The following KLHL14 variants were observed in gnomAD, a reference collection of about 807,000 sequenced individuals.
KLHL14 encodes the protein kelch-like protein 14.
In KLHL14, 22 loss-of-function variants were observed where a neutral mutation model predicts 64.3. The observed-to-expected ratio is 0.34, with a 90% confidence interval of 0.24 to 0.49. The LOEUF (loss-of-function observed/expected upper bound fraction) is 0.49. Ranked by LOEUF, KLHL14 falls within the 20% of genes least tolerant of loss-of-function variation. The pLI is 0.99. For missense variants in KLHL14, 661 were observed against 789.0 expected (o/e 0.84, Z 1.94); for synonymous variants, 322 against 333.4 (o/e 0.97, Z 0.37).
intron 7 of KLHL14, among the ~76,000 whole-genome samples, chr18:32,678,516 A>G (rs1213314539): frequency 6.6e-6 from 1 of 152,156 alleles, no homozygotes; most frequent in African/African-American, 2.4e-5. Context: ...TTCCTTTACC[A>G]TTAATATTAT....
intron 2 of KLHL14, among the ~76,000 whole-genome samples, chr18:32,752,955 T>TTGTGTG (rs71177874): frequency 0.052 from 7,422 of 142,296 alleles, 228 homozygotes; most frequent in South Asian, 0.086. Context: ...AGCATCATAT[T>TTGTGTG]TGTGTGTGTG....
At chr18:32,709,959 G>T (rs1180578606) in intron 3 of KLHL14, among the ~76,000 whole-genome samples, 1 of 152,186 alleles carries the variant, frequency 6.6e-6, no homozygotes, top group Non-Finnish European at 1.5e-5. Flanking sequence ...ACTTGGTTCA[G>T]TATTACAGAT....
chr18:32,680,550 C>A lies in KLHL14; in HGVS notation c.1288G>T (p.Gly430Cys), dbSNP rs748172307. 2 of 1,613,544 alleles carry A rather than the reference C, an allele frequency of 1.2e-6. No individual in the cohort carries two copies. Among genetic ancestry groups the A allele is most frequent in the Non-Finnish European group, 1.7e-6 (2 of 1,179,808 alleles). Residue 430 changes from glycine (G) to cysteine (C), a missense_variant, in exon 6 of 9, where the codon GGT becomes TGT. Gly to Cys is a radical substitution (Grantham distance 159). Coordinates refer to ENST00000359358, the MANE Select transcript of KLHL14 (RefSeq NM_020805.3). The surrounding 1 kb of genome is among the most constrained non-coding windows in gnomAD (Gnocchi z 4.8). ...AAGTAGCCAGTTTCATTCCTTCCACCAATTACGTATAAATGCTTGTCCAAC... is the reference window on the plus strand; with the variant it reads ...AAGTAGCCAGTTTCATTCCTTCCACAAATTACGTATAAATGCTTGTCCAAC... The part of the protein sequence containing the change: ...CRLDKHLYVI[G>C]GRNETGYLSS...
intron 3 of KLHL14, among the ~76,000 whole-genome samples, chr18:32,714,019 T>C (rs1012784892): frequency 1.3e-5 from 2 of 151,220 alleles, no homozygotes; most frequent in African/African-American, 4.9e-5. Flanking sequence ...TGCATGAGAG[T>C]GATATACTAA....
Position 32,770,441 on chromosome 18 carries a change from G to T in KLHL14, c.151C>A (p.Leu51Met). 1 of 1,611,936 alleles carries T rather than the reference G, an allele frequency of 6.2e-7. No individual in the cohort carries two copies. The highest frequency in any genetic ancestry group is 8.5e-7 in the Non-Finnish European group (1 of 1,179,384). ...CGGAAGTACTGCGAGCAGGAGGCCA[G>T]CACGGCCTTGTGGCAATGGAACTGC... is the stretch of plus-strand genomic sequence containing the variant. ...GQQFHCHKAV[L>M]ASCSQYFRSL... The change falls in exon 2 of 9, where the codon CTG becomes ATG. Residue 51 changes from leucine to methionine, a missense_variant. By Grantham distance (15) the Leu-to-Met change is conservative. Around this residue, in one of 2 missense-constraint regions of KLHL14, gnomAD observed 331 missense variants for 339.0 expected, o/e 0.98. Transcript: ENST00000359358. This position sits in a 1 kb window ranked among gnomAD's most constrained non-coding sequence, Gnocchi z 6.7.
intron 3 of KLHL14, among the ~76,000 whole-genome samples, chr18:32,708,151 A>G (rs1169760335): frequency 9.2e-5 from 14 of 152,126 alleles, no homozygotes; most frequent in Non-Finnish European, 2.1e-4. Flanking sequence ...GGATGGATGT[A>G]TTTCTGACAA....
rs575675712 is a variant in KLHL14, at chr18:32,755,354, T to C, written c.948-13305A>G. On this transcript the variant is annotated intron_variant, in intron 2 of 8. Coordinates refer to ENST00000359358, the MANE Select transcript of KLHL14 (RefSeq NM_020805.3). ...ATTCTGAAAAGTTTACCATATTCTCTGAAGCTGAATTGTGGATGCTATACT... is the reference window on the plus strand; with the variant it reads ...ATTCTGAAAAGTTTACCATATTCTCCGAAGCTGAATTGTGGATGCTATACT... Among the ~76,000 whole-genome samples, 4 of 152,304 alleles carry C rather than the reference T, an allele frequency of 2.6e-5. No homozygotes were observed. The South Asian group carries it at 8.3e-4, about 32-fold the overall frequency.
intron 4 of KLHL14, among the ~76,000 whole-genome samples, chr18:32,692,243 T>G (rs2049911120): frequency 6.6e-6 from 1 of 152,244 alleles, no homozygotes; most frequent in South Asian, 2.1e-4. Context: ...GATATAATTA[T>G]ATTTATTTCA....
At chr18:32,726,624 G>GATAA (rs1405206727) in intron 3 of KLHL14, among the ~76,000 whole-genome samples, 8 of 150,620 alleles carry the variant, frequency 5.3e-5, no homozygotes, top group Non-Finnish European at 8.9e-5. Flanking sequence ...ACTGTCTCAA[G>GATAA]ATAAATAAAT....
intron 4 of KLHL14, among the ~76,000 whole-genome samples, chr18:32,693,409 C>CAG (rs1300511311): frequency 1.3e-4 from 15 of 116,796 alleles, no homozygotes; most frequent in African/African-American, 3.5e-4. Context: ...CACACACACA[C>CAG]ACACAGAGAG....
intron 2 of KLHL14, among the ~76,000 whole-genome samples, chr18:32,761,998 A>C (rs2050316829): frequency 6.6e-6 from 1 of 152,164 alleles, no homozygotes; most frequent in African/African-American, 2.4e-5. Context: ...CAATGAATGC[A>C]GTTATATGTT....
chr18:32,748,849 G>A (rs954636631), intron 2 of KLHL14, among the ~76,000 whole-genome samples: 6 of 152,090 alleles, frequency 3.9e-5, no homozygotes, highest in Non-Finnish European at 5.9e-5. Context: ...GACCTAAGGC[G>A]CAGGCATCTT....
intron 2 of KLHL14, among the ~76,000 whole-genome samples, chr18:32,756,989 A>T (rs2050285556): frequency 6.6e-6 from 1 of 152,228 alleles, no homozygotes; most frequent in Non-Finnish European, 1.5e-5. Flanking sequence ...TGAAATATAA[A>T]GAAACCCACA....
At chr18:32,693,431 G>C (rs1261764194) in intron 4 of KLHL14, among the ~76,000 whole-genome samples, 1 of 151,102 alleles carries the variant, frequency 6.6e-6, no homozygotes, top group Non-Finnish European at 1.5e-5. Context: ...GAGAGAGAGA[G>C]AGAGAGAGAG....
At chr18:32,697,849 T>G (rs1211268161) in intron 3 of KLHL14, among the ~76,000 whole-genome samples, 1 of 152,230 alleles carries the variant, frequency 6.6e-6, no homozygotes, top group Non-Finnish European at 1.5e-5. Context: ...AGTCCTACTT[T>G]AAAGGCTACT....
rs889052176 is a variant in KLHL14 at position 32,673,684 on chromosome 18, A to G, written c.*973T>C. 2.6e-5 allele frequency: 4 copies of G among 152,234 alleles called. No individual in the cohort carries two copies. The highest frequency in any genetic ancestry group is 9.6e-5 in the African/African-American group (4 of 41,466). The allele number at this position is 152,234 out of a possible 1,614,324, so 9.4% of individuals were successfully genotyped here. On this transcript the variant is annotated 3_prime_UTR_variant, in exon 9 of 9. Coordinates refer to ENST00000359358, the MANE Select transcript of KLHL14 (RefSeq NM_020805.3). ...CTTGTAAGTTCTGTGTTTTAGAAAC[A>G]GAAAGACAACTGGAATTCTACTTAA...
intron 7 of KLHL14, among the ~76,000 whole-genome samples, chr18:32,679,746 A>G (rs545182276): frequency 8.8e-4 from 134 of 152,314 alleles, no homozygotes; most frequent in Non-Finnish European, 1.4e-3. Context: ...TTACCTTTAA[A>G]AAAATCACAT....
chr18:32,726,491 G>A (rs896458430), intron 3 of KLHL14, among the ~76,000 whole-genome samples: 38 of 152,136 alleles, frequency 2.5e-4, no homozygotes, highest in African/African-American at 7.9e-4. Context: ...AGGCGTGGTC[G>A]TGGGCGCCTG....
chr18:32,722,905 T>C lies in KLHL14; in HGVS notation c.1069+19023A>G, dbSNP rs180858449. On this transcript the variant is annotated intron_variant, in intron 3 of 8. Transcript: ENST00000359358. ...AGGAGTTGGAGGCTATAGGGAGCCATGACCACACCACTGCACTCCAGTTTA... is the reference window on the plus strand; with the variant it reads ...AGGAGTTGGAGGCTATAGGGAGCCACGACCACACCACTGCACTCCAGTTTA... 1.1e-4 allele frequency among the ~76,000 whole-genome samples: 16 copies of C among 152,226 alleles called. No individual in the cohort carries two copies. In the East Asian group the frequency reaches 2.7e-3, roughly 26 times the overall value.
Sources: allele counts gnomAD v4.1 joint callset (sites outside exome capture counted in the v4.1 genomes callset), GRCh38; gene constraint gnomAD v4.1.1; regional missense constraint gnomAD v4.1.1; non-coding constraint Gnocchi (gnomAD v3.1); transcripts MANE v1.5; gene names NCBI Gene and HGNC (gene_info 2026-07-23, HGNC 2026-07-21).